PTPRG: variants seen among roughly 807,000 people sequenced by gnomAD.
PTPRG encodes protein tyrosine phosphatase receptor type G, also known as receptor-type tyrosine-protein phosphatase gamma.
Under a neutral mutation model 165.3 loss-of-function variants are expected in PTPRG, and 102 were observed. The ratio of observed to expected loss-of-function variants is 0.62; its 90% CI spans 0.53 to 0.73. PTPRG has a LOEUF of 0.73. Ranked by LOEUF, PTPRG falls within the 30% of genes least tolerant of loss-of-function variation. The pLI, the probability that PTPRG is intolerant of heterozygous loss-of-function variation, is 0.00. For synonymous variants in PTPRG, 675 were observed against 669.5 expected (o/e 1.01, Z -0.13); for missense variants, 1,866 against 1,861.4 (o/e 1.00, Z -0.05).
At chr3:61,833,685 C>G (rs1265939202) in intron 2 of PTPRG, among the ~76,000 whole-genome samples, 2 of 152,100 alleles carry the variant, frequency 1.3e-5, no homozygotes, top group African/African-American at 2.4e-5. Flanking sequence ...GCCTCAGCCT[C>G]CTGAGTAGCT....
intron 2 of PTPRG, among the ~76,000 whole-genome samples, chr3:61,922,208 A>G (rs1486391306): frequency 2.0e-5 from 3 of 152,194 alleles, no homozygotes; most frequent in African/African-American, 7.2e-5. Flanking sequence ...AAGGGACTTG[A>G]TTCATAGGTA....
At chr3:61,585,581 CA>C (rs1364168599) in intron 1 of PTPRG, among the ~76,000 whole-genome samples, 1 of 151,506 alleles carries the variant, frequency 6.6e-6, no homozygotes, top group South Asian at 2.1e-4. Flanking sequence ...CCTGTCTCTA[CA>C]AAAAAAGTAC....
intron 2 of PTPRG, among the ~76,000 whole-genome samples, chr3:61,898,434 CTCT>C (rs1217607028): frequency 1.3e-5 from 2 of 152,164 alleles, no homozygotes; most frequent in Admixed American, 1.3e-4. Flanking sequence ...TTCTGTCTTC[CTCT>C]TCTTCTGACT....
At chr3:62,145,753 G>A (rs943863022) in intron 6 of PTPRG, among the ~76,000 whole-genome samples, 2 of 152,136 alleles carry the variant, frequency 1.3e-5, no homozygotes, top group Admixed American at 6.6e-5. Context: ...TCAGCAACAC[G>A]TTGAGGTAAG....
chr3:61,732,181 A>C (rs1032436162), intron 1 of PTPRG, among the ~76,000 whole-genome samples: 1 of 152,234 alleles, frequency 6.6e-6, no homozygotes. Context: ...AGAATAATTT[A>C]TATAACCCAG....
rs1279667275 is a variant in PTPRG at position 62,233,821 on chromosome 3, A to C, written c.2375+2510A>C. ...TTATCCTCCCAGAAAGGAGAGGAAAAAAACATTGAAGATCAGACCCAAGTA... is the reference window on the plus strand; with the variant it reads ...TTATCCTCCCAGAAAGGAGAGGAAACAAACATTGAAGATCAGACCCAAGTA... On this transcript the variant is annotated intron_variant, in intron 14 of 29. Transcript: ENST00000474889. This position sits in a 1 kb window ranked among gnomAD's most constrained non-coding sequence, Gnocchi z 4.7. Among the ~76,000 whole-genome samples, 1 of 152,248 alleles carries C rather than the reference A, an allele frequency of 6.6e-6. No individual in the cohort carries two copies. Among genetic ancestry groups the C allele is most frequent in the Non-Finnish European group, 1.5e-5 (1 of 68,048 alleles).
At chr3:61,668,490 C>T (rs1417844242) in intron 1 of PTPRG, among the ~76,000 whole-genome samples, 1 of 152,192 alleles carries the variant, frequency 6.6e-6, no homozygotes, top group African/African-American at 2.4e-5. Context: ...TAGAAACTGA[C>T]AGGCCCATTT....
At chr3:61,853,359 C>T (rs1230608796) in intron 2 of PTPRG, among the ~76,000 whole-genome samples, 3 of 152,134 alleles carry the variant, frequency 2.0e-5, no homozygotes, top group African/African-American at 7.2e-5. Context: ...TTCTTAAGAC[C>T]AGGCCGTAAA....
At chr3:62,178,345 T>A (rs56144601) in intron 8 of PTPRG, among the ~76,000 whole-genome samples, 9,064 of 152,204 alleles carry the variant, frequency 0.06, 369 homozygotes, top group Non-Finnish European at 0.089. Context: ...GAATAAAAAA[T>A]TCTTACCAAA....
At chr3:62,149,306 A>C (rs1384954251) in intron 6 of PTPRG, among the ~76,000 whole-genome samples, 5 of 131,298 alleles carry the variant, frequency 3.8e-5, no homozygotes, top group Non-Finnish European at 7.9e-5. Flanking sequence ...CAAGAGTCTC[A>C]CTCTGTCACC....
chr3:62,123,923 C>T (rs926406267), intron 5 of PTPRG, among the ~76,000 whole-genome samples: 3 of 152,104 alleles, frequency 2.0e-5, no homozygotes, highest in African/African-American at 4.8e-5. Flanking sequence ...TTAACGTTTT[C>T]GCTCCCCATG....
chr3:61,930,689 T>G (rs764796940), intron 2 of PTPRG, among the ~76,000 whole-genome samples: 2 of 152,184 alleles, frequency 1.3e-5, no homozygotes, highest in African/African-American at 2.4e-5. Flanking sequence ...CTATGGGTGT[T>G]CCAAAATTAC....
intron 1 of PTPRG, among the ~76,000 whole-genome samples, chr3:61,647,514 G>C (rs919163206): frequency 6.6e-6 from 1 of 152,164 alleles, no homozygotes; most frequent in African/African-American, 2.4e-5. Flanking sequence ...CAATTGGCCG[G>C]GCACAGTGGC....
intron 1 of PTPRG, among the ~76,000 whole-genome samples, chr3:61,689,687 A>G (rs769892593): frequency 2.5e-4 from 38 of 152,190 alleles, no homozygotes; most frequent in South Asian, 8.3e-4. Context: ...TATCCCAGGT[A>G]AGGTAGCATT....
chr3:61,861,573 C>A (rs1462666237), intron 2 of PTPRG, among the ~76,000 whole-genome samples: 1 of 152,176 alleles, frequency 6.6e-6, no homozygotes, highest in Non-Finnish European at 1.5e-5. Flanking sequence ...GTTGTTTATG[C>A]AGAAAGTACT....
intron 1 of PTPRG, among the ~76,000 whole-genome samples, chr3:61,683,272 G>T (rs1352326369): frequency 6.6e-6 from 1 of 152,224 alleles, no homozygotes; most frequent in Non-Finnish European, 1.5e-5. Context: ...TGGAAACTCT[G>T]GGTAAGGCCA....
intron 28 of PTPRG, among the ~76,000 whole-genome samples, chr3:62,287,508 A>C (rs1702710758): frequency 6.6e-6 from 1 of 151,890 alleles, no homozygotes. Context: ...TTAATTCATG[A>C]AACTAAAAAC....
chr3:61,928,188 A>C (rs12715574), intron 2 of PTPRG, among the ~76,000 whole-genome samples: 2 of 152,026 alleles, frequency 1.3e-5, no homozygotes, highest in Non-Finnish European at 2.9e-5. Context: ...AGTGGCCTTC[A>C]AGCTCCCTCT....
In PTPRG at chr3:61,765,103, C is replaced by T. The variant is rs115585469; in HGVS notation, c.190+16121C>T. 2.6e-3 allele frequency among the ~76,000 whole-genome samples: 399 copies of T among 152,292 alleles called. 1 individual carries two copies. Among genetic ancestry groups the T allele is most frequent in the Non-Finnish European group, 3.6e-3 (248 of 68,026 alleles). ...GTGAGGTTCTACCTTTCTAGCCAGT[C>T]CTTAATTGAATGAGTACGTGGCACA... On this transcript the variant is annotated intron_variant, in intron 2 of 29. Transcript: ENST00000474889.
Sources: gnomAD v4.1 joint callset for allele counts (sites outside exome capture counted in the v4.1 genomes callset) on GRCh38, gnomAD v4.1.1 for gene constraint, Gnocchi (gnomAD v3.1) non-coding constraint, MANE v1.5 for transcripts, NCBI Gene and HGNC (gene_info 2026-07-23, HGNC 2026-07-21) for gene names.